The following LAMA2 variants were observed in gnomAD, a reference collection of about 807,000 sequenced individuals.
LAMA2 encodes laminin subunit alpha-2.
LAMA2 carries 269 observed loss-of-function variants against 364.8 expected under a neutral mutation model. That is an observed-to-expected ratio of 0.74 (90% CI 0.67 to 0.82). The LOEUF is 0.82. Among genes scored for constraint, LAMA2 ranks in the 40% least tolerant of loss-of-function variants. LAMA2 has a pLI of 0.00. For synonymous variants in LAMA2, 1,379 were observed against 1,370.6 expected, an observed-to-expected ratio of 1.01 and a Z score of -0.14; for missense variants, 3,807 against 3,873.2, an observed-to-expected ratio of 0.98 and a Z score of 0.45.
intron 1 of LAMA2, among the ~76,000 whole-genome samples, chr6:128,911,378 C>T (rs542878237): frequency 2.0e-5 from 3 of 152,248 alleles, no homozygotes; most frequent in East Asian, 1.9e-4. Flanking sequence ...GCGCAGTATT[C>T]GGGTGGGAGT....
chr6:128,941,217 T>C (rs1780133172), intron 1 of LAMA2, among the ~76,000 whole-genome samples: 1 of 152,206 alleles, frequency 6.6e-6, no homozygotes, highest in Non-Finnish European at 1.5e-5. Flanking sequence ...GTGGAGCATT[T>C]ACACTAAATG....
At chr6:129,082,243 G>C (rs956478840) in intron 3 of LAMA2, among the ~76,000 whole-genome samples, 5 of 151,992 alleles carry the variant, frequency 3.3e-5, no homozygotes, top group Non-Finnish European at 7.4e-5. Flanking sequence ...ATTGAATAAT[G>C]CATTGCTTTG....
At chr6:129,196,297 T>A (rs981964708) in intron 12 of LAMA2, among the ~76,000 whole-genome samples, 1 of 152,170 alleles carries the variant, frequency 6.6e-6, no homozygotes, top group Non-Finnish European at 1.5e-5. Context: ...CCATTCTACT[T>A]CACGGATCTC....
chr6:129,140,831 T>G (rs1397894939), intron 4 of LAMA2, among the ~76,000 whole-genome samples: 1 of 152,124 alleles, frequency 6.6e-6, no homozygotes, highest in Non-Finnish European at 1.5e-5. Context: ...AGCTTGGGAC[T>G]AACTATATTC....
chr6:129,493,199 T>A (rs1179313151), intron 58 of LAMA2, among the ~76,000 whole-genome samples: 1 of 152,044 alleles, frequency 6.6e-6, no homozygotes, highest in Non-Finnish European at 1.5e-5. Context: ...TATCTAAACA[T>A]CATATAAATG....
At position 129,516,424 on chromosome 6, in the gene LAMA2, TA is replaced by T; in HGVS notation, c.*78del. ...AAAACAAACAAATATATTTTACCTATATATGTTAATTAAACTAATTTGTGCA... is the reference window on the plus strand; with the variant it reads ...AAAACAAACAAATATATTTTACCTATTATGTTAATTAAACTAATTTGTGCA... On this transcript the variant is annotated 3_prime_UTR_variant, in exon 65 of 65. Coordinates refer to ENST00000421865, the MANE Select transcript of LAMA2 (RefSeq NM_000426.4). The T allele has an allele frequency of 7.1e-7, 1 of 1,402,926 alleles. No homozygotes were observed. Among genetic ancestry groups the T allele is most frequent in the African/African-American group, 1.4e-5 (1 of 69,932 alleles). 86.9% of individuals were successfully genotyped at this position (1,402,926 alleles called of 1,614,324 possible).
chr6:129,185,336 CA>C (rs1781164019), intron 10 of LAMA2, among the ~76,000 whole-genome samples: 1 of 151,602 alleles, frequency 6.6e-6, no homozygotes, highest in Admixed American at 6.6e-5. Flanking sequence ...AAATTGATGT[CA>C]ACACAATAGT....
intron 15 of LAMA2, among the ~76,000 whole-genome samples, chr6:129,266,027 G>A (rs1308854306): frequency 2.0e-5 from 3 of 151,960 alleles, no homozygotes; most frequent in Non-Finnish European, 2.9e-5. Context: ...GAGGCAGAAG[G>A]AACATTTCCA....
intron 41 of LAMA2, among the ~76,000 whole-genome samples, chr6:129,428,997 A>G (rs1781461011): frequency 1.3e-5 from 2 of 152,102 alleles, no homozygotes; most frequent in Admixed American, 6.6e-5. Flanking sequence ...CTAAGTATTC[A>G]TAATTCCTCC....
At chr6:128,920,719 GCA>G (rs1778653287) in intron 1 of LAMA2, among the ~76,000 whole-genome samples, 1 of 150,182 alleles carries the variant, frequency 6.7e-6, no homozygotes, top group Non-Finnish European at 1.5e-5. Flanking sequence ...GCATATATAT[GCA>G]CACATGTATA....
intron 1 of LAMA2, chr6:128,929,397 G>A: frequency 2.2e-6 from 2 of 903,250 alleles, no homozygotes; most frequent in Non-Finnish European, 3.8e-6. Context: ...GTGAGGATGA[G>A]TGATAGCACA....
chr6:129,456,648 TTTC>T (rs1782979302), intron 48 of LAMA2, among the ~76,000 whole-genome samples, 154 bp downstream of exon 48: 1 of 152,192 alleles, frequency 6.6e-6, no homozygotes, highest in Non-Finnish European at 1.5e-5. Context: ...GAGTAAGAAT[TTTC>T]TTCTTTGACG....
At chr6:129,113,888 G>C (rs142882597) in intron 4 of LAMA2, among the ~76,000 whole-genome samples, 1 of 152,066 alleles carries the variant, frequency 6.6e-6, no homozygotes, top group Non-Finnish European at 1.5e-5. Flanking sequence ...AGGACTCAGA[G>C]GAGAGATAGT....
Position 129,177,815 on chromosome 6 carries a change from T to G in LAMA2, c.1416T>G (p.Ser472Arg). The change falls in exon 10 of 65, where the codon AGT becomes AGG. Residue 472 changes from serine (S) to arginine (R), a missense_variant. Physicochemically the swap from Ser to Arg is moderately radical, Grantham distance 110. This residue lies in a region of LAMA2 where 3,333 missense variants were observed against 3,345.7 expected (regional missense o/e 1.00). Coordinates refer to ENST00000421865, the MANE Select transcript of LAMA2 (RefSeq NM_000426.4). ...CGGACTGCAAAGCCTGTAACTGCAG[T>G]GGGTTAGGGAGCAAAAATGAGGATC... ...GYPDCKACNC[S>R]GLGSKNEDPC... The G allele has an allele frequency of 1.2e-6, 2 of 1,613,932 alleles. No individual in the cohort carries two copies. The highest frequency in any genetic ancestry group is 1.7e-6 in the Non-Finnish European group (2 of 1,179,920).
At chr6:129,100,537 A>G (rs1562239501) in intron 4 of LAMA2, among the ~76,000 whole-genome samples, 1 of 152,226 alleles carries the variant, frequency 6.6e-6, no homozygotes, top group Non-Finnish European at 1.5e-5. Context: ...GATATCCTCC[A>G]AGACTCTCAG....
rs3062342 is a variant in LAMA2 at position 129,314,398 on chromosome 6, C to CAAAAAAAAAAAAAA, written c.3412-249_3412-236dup. On this transcript the variant is annotated intron_variant, in intron 23 of 64. Coordinates refer to ENST00000421865, the MANE Select transcript of LAMA2 (RefSeq NM_000426.4). Reference sequence around the variant, plus strand: ...TGGGCGAAAGAGCGAGACTCCGTCTCAAAAAAAAAAAAAAAAAAAAAGTAC... The same window carrying CAAAAAAAAAAAAAA: ...TGGGCGAAAGAGCGAGACTCCGTCTCAAAAAAAAAAAAAAAAAAAAAAAAAAAAAAAAAAAGTAC... Among the ~76,000 whole-genome samples, 43 of 81,858 alleles carry CAAAAAAAAAAAAAA rather than the reference C, an allele frequency of 5.3e-4. 3 individuals are homozygous for CAAAAAAAAAAAAAA. Among genetic ancestry groups the CAAAAAAAAAAAAAA allele is most frequent in the African/African-American group, 2.3e-3 (42 of 18,186 alleles). The allele number at this position is 81,858 out of a possible 152,430, so 53.7% of individuals were successfully genotyped here. A position where few individuals can be genotyped will look rare whatever the true frequency, so the allele number is the denominator to read the frequency against.
intron 1 of LAMA2, among the ~76,000 whole-genome samples, chr6:128,918,205 T>A (rs1407966359): frequency 2.0e-5 from 3 of 152,210 alleles, no homozygotes; most frequent in Non-Finnish European, 4.4e-5. Context: ...AAAGTAATGA[T>A]GTTTACCAAA....
chr6:128,923,366 G>C, intron 1 of LAMA2, among the ~76,000 whole-genome samples: 1 of 150,994 alleles, frequency 6.6e-6, no homozygotes, highest in East Asian at 1.9e-4. Flanking sequence ...CCATTTGTTT[G>C]TATCCTCTTT....
chr6:129,503,375 A>G, intron 60 of LAMA2, 95 bp downstream of exon 60: 1 of 1,136,866 alleles, frequency 8.8e-7, no homozygotes, highest in Non-Finnish European at 1.3e-6. Flanking sequence ...GCCAGGGCAG[A>G]CACTGACTCT....
Sources: allele counts gnomAD v4.1 joint callset (sites outside exome capture counted in the v4.1 genomes callset), GRCh38; gene constraint gnomAD v4.1.1; regional missense constraint gnomAD v4.1.1; transcripts MANE v1.5; gene names NCBI Gene and HGNC (gene_info 2026-07-23, HGNC 2026-07-21).